Variants in HDLBP observed in about 807,000 individuals in gnomAD.
The protein encoded by HDLBP is vigilin.
Under a neutral mutation model 137.3 loss-of-function variants are expected in HDLBP, and 30 were observed. The ratio of observed to expected loss-of-function variants is 0.22; its 90% CI spans 0.16 to 0.30. The LOEUF is 0.30. Ranked by LOEUF, HDLBP falls within the 10% of genes least tolerant of loss-of-function variation. The pLI is 1.00. For synonymous variants in HDLBP, 606 were observed against 596.0 expected, an observed-to-expected ratio of 1.02 and a Z score of -0.24; for missense variants, 1,119 against 1,667.3, an observed-to-expected ratio of 0.67 and a Z score of 5.73.
At chr2:241,236,514 G>T in intron 21 of HDLBP, 101 bp downstream of exon 21, 2 of 1,212,198 alleles carry the variant, frequency 1.6e-6, no homozygotes, top group African/African-American at 1.5e-5. Context: ...CACTGCCACT[G>T]CCGCTTGGGC....
intron 1 of HDLBP, among the ~76,000 whole-genome samples, chr2:241,311,141 GAAAAAAAAGAAAC>G (rs2149725659): frequency 1.3e-5 from 2 of 151,128 alleles, no homozygotes; most frequent in South Asian, 4.2e-4. Flanking sequence ...AAAGAAAGAA[GAAAAAAAAGAAAC>G]AAAAACCTTC....
intron 5 of HDLBP, 123 bp downstream of exon 5, chr2:241,262,588 C>T: frequency 1.5e-6 from 1 of 687,320 alleles, no homozygotes; most frequent in Non-Finnish European, 2.5e-6. Flanking sequence ...TGCTGTCCTA[C>T]CTCCAAAAGA....
At chr2:241,299,107 A>C (rs2075294146) in intron 1 of HDLBP, among the ~76,000 whole-genome samples, 1 of 152,212 alleles carries the variant, frequency 6.6e-6, no homozygotes, top group Non-Finnish European at 1.5e-5. Flanking sequence ...CGTAGTCCCA[A>C]CTTACTCTCA....
chr2:241,248,082 C>T lies in HDLBP; in HGVS notation c.1652G>A (p.Ser551Asn). 6.2e-7 allele frequency: 1 copy of T among 1,614,174 alleles called. No homozygotes were observed. Among genetic ancestry groups the T allele is most frequent in the Non-Finnish European group, 8.5e-7 (1 of 1,180,012 alleles). ...IINFPDPAQK[S>N]DIVQLRGPKN... ...AGGTCCTCTGAGCTGGACAATGTCA[C>T]TTTTTTGTGCTGGGTCTGGAAAGTT... Residue 551 changes from serine (S) to asparagine (N), a missense_variant, in exon 14 of 28, where the codon AGT becomes AAT. Physicochemically the swap from Ser to Asn is conservative, Grantham distance 46. Around this residue, in one of 4 missense-constraint regions of HDLBP, gnomAD observed 425 missense variants for 693.9 expected, o/e 0.61. Transcript: ENST00000310931.
At chr2:241,244,883 T>G (rs773409510) in intron 16 of HDLBP, among the ~76,000 whole-genome samples, 7 of 152,242 alleles carry the variant, frequency 4.6e-5, no homozygotes, top group Non-Finnish European at 8.8e-5. Flanking sequence ...TCATGGTGGC[T>G]GAGCACGTGG....
intron 1 of HDLBP, among the ~76,000 whole-genome samples, chr2:241,309,466 A>G (rs1419295489): frequency 6.6e-6 from 1 of 152,238 alleles, no homozygotes; most frequent in Non-Finnish European, 1.5e-5. Flanking sequence ...AAGAATAGAG[A>G]TAAGAACATT....
chr2:241,229,784 G>GGGGC, intron 27 of HDLBP, 49 bp downstream of exon 27: 3 of 1,502,544 alleles, frequency 2.0e-6, no homozygotes, highest in Non-Finnish European at 2.7e-6. Flanking sequence ...AAGCCCGCCT[G>GGGGC]CCCGCCCACC....
At chr2:241,274,055 TAAGA>T (rs1014488679) in intron 1 of HDLBP, among the ~76,000 whole-genome samples, 9 of 152,046 alleles carry the variant, frequency 5.9e-5, no homozygotes, top group African/African-American at 1.9e-4. Flanking sequence ...TAAAAGAAGT[TAAGA>T]AAGACACAGG....
Position 241,230,951 on chromosome 2 carries a change from A to G in HDLBP, c.3289-7T>C. On this transcript the variant is annotated splice_region_variant and splice_polypyrimidine_tract_variant and intron_variant, in intron 24 of 27. Coordinates refer to ENST00000310931, the MANE Select transcript of HDLBP (RefSeq NM_005336.6). This position sits in a 1 kb window ranked among gnomAD's most constrained non-coding sequence, Gnocchi z 5.0. ...TGGTAATTTGGTCCTGGGGCTAAAA[A>G]AGGAGAATGTAGTCAGAAAAGGGGA... The G allele has an allele frequency of 6.2e-7, 1 of 1,611,584 alleles. No individual in the cohort carries two copies. Among genetic ancestry groups the G allele is most frequent in the Non-Finnish European group, 8.5e-7 (1 of 1,177,734 alleles).
chr2:241,279,015 ACT>A (rs1211627048), intron 1 of HDLBP, among the ~76,000 whole-genome samples: 2 of 151,812 alleles, frequency 1.3e-5, no homozygotes, highest in Non-Finnish European at 2.9e-5. Context: ...ACAGCGTGAG[ACT>A]CTGTCCCCTC....
At chr2:241,254,521 G>A (rs1353796432) in intron 9 of HDLBP, among the ~76,000 whole-genome samples, 1 of 143,370 alleles carries the variant, frequency 7.0e-6, no homozygotes, top group Non-Finnish European at 1.5e-5. Context: ...GTCTCGCTCT[G>A]TCGCCAAGGC....
At chr2:241,278,080 A>C (rs2074460641) in intron 1 of HDLBP, among the ~76,000 whole-genome samples, 1 of 152,238 alleles carries the variant, frequency 6.6e-6, no homozygotes, top group African/African-American at 2.4e-5. Flanking sequence ...GCTTGGACTC[A>C]TCACAGACAA....
At chr2:241,261,505 TGA>T (rs2073181163) in intron 5 of HDLBP, among the ~76,000 whole-genome samples, 1 of 152,152 alleles carries the variant, frequency 6.6e-6, no homozygotes, top group African/African-American at 2.4e-5. Flanking sequence ...TGAAGATAAT[TGA>T]GGAGTAGGAG....
At chr2:241,307,704 G>A (rs1246632452) in intron 1 of HDLBP, among the ~76,000 whole-genome samples, 3 of 151,964 alleles carry the variant, frequency 2.0e-5, no homozygotes, top group Non-Finnish European at 2.9e-5. Flanking sequence ...AATAAAAATA[G>A]GATCTTACAT....
chr2:241,242,791 G>A, intron 16 of HDLBP, 113 bp from the exon 17 acceptor site: 1 of 932,006 alleles, frequency 1.1e-6, no homozygotes, highest in Non-Finnish European at 1.7e-6. Context: ...CTAGAGCCCT[G>A]GAGATGCCAC....
At position 241,229,525 on chromosome 2, in the gene HDLBP, G is replaced by T; in HGVS notation, c.*76C>A. 4 of 1,080,520 alleles carry T rather than the reference G, an allele frequency of 3.7e-6. No homozygotes were observed. Among genetic ancestry groups the T allele is most frequent in the Non-Finnish European group, 2.8e-6 (2 of 715,870 alleles). The allele number at this position is 1,080,520 out of a possible 1,614,324, so 66.9% of individuals were successfully genotyped here. The stretch of plus-strand genomic sequence containing the variant: ...ACAATTTACGGAGGGTCCAGCCGCT[G>T]GGTCAGATTGAGACAAACCATTGTG... On this transcript the variant is annotated 3_prime_UTR_variant, in exon 28 of 28. Coordinates refer to ENST00000310931, the MANE Select transcript of HDLBP (RefSeq NM_005336.6).
chr2:241,256,415 T>A lies in HDLBP; in HGVS notation c.658-16A>T, dbSNP rs2072616203. 1 of 1,592,140 alleles carries A rather than the reference T, an allele frequency of 6.3e-7. No homozygotes were observed. The highest frequency in any genetic ancestry group is 8.6e-7 in the Non-Finnish European group (1 of 1,167,500). ...CACGTTTGTCCTGGAAAGGAAGGGA[T>A]GATCTGATGAGAACAGGCCTTTGAA... On this transcript the variant is annotated splice_polypyrimidine_tract_variant and intron_variant, in intron 6 of 27. Coordinates refer to ENST00000310931, the MANE Select transcript of HDLBP (RefSeq NM_005336.6).
In HDLBP at chr2:241,240,693, GGCTACA is replaced by G. The variant is rs1344777887; in HGVS notation, c.2170-577_2170-572del. Among the ~76,000 whole-genome samples the G allele has an allele frequency of 2.0e-5, 3 of 151,994 alleles. No homozygotes were observed. In the East Asian group the frequency reaches 5.8e-4, roughly 29 times the overall value. ...GCTCAGAGGGACACAAGCCAACCAAGGCTACAGTTAGAGACCGGTCCTCAGAGGCCT... is the reference window on the plus strand; with the variant it reads ...GCTCAGAGGGACACAAGCCAACCAAGGTTAGAGACCGGTCCTCAGAGGCCT... On this transcript the variant is annotated intron_variant, in intron 17 of 27. Coordinates refer to ENST00000310931, the MANE Select transcript of HDLBP (RefSeq NM_005336.6). This position sits in a 1 kb window ranked among gnomAD's most constrained non-coding sequence, Gnocchi z 5.5.
intron 2 of HDLBP, chr2:241,267,915 G>A (rs1460643299): frequency 1.0e-5 from 10 of 985,294 alleles, no homozygotes; most frequent in African/African-American, 1.7e-5. Context: ...TATGGGCTCC[G>A]AAAGCCACAG....
Sources: allele counts gnomAD v4.1 joint callset (sites outside exome capture counted in the v4.1 genomes callset), GRCh38; gene constraint gnomAD v4.1.1; regional missense constraint gnomAD v4.1.1; non-coding constraint Gnocchi (gnomAD v3.1); transcripts MANE v1.5; gene names NCBI Gene and HGNC (gene_info 2026-07-23, HGNC 2026-07-21).